CAPN2: variants seen among roughly 807,000 people sequenced by gnomAD.
The protein encoded by CAPN2 is calpain 2.
CAPN2 carries 92 observed loss-of-function variants against 102.3 expected under a neutral mutation model. The ratio of observed to expected loss-of-function variants is 0.90; its 90% CI spans 0.76 to 1.07. The LOEUF is 1.07. Among genes scored for constraint, CAPN2 ranks in the 50% least tolerant of loss-of-function variants. CAPN2 has a pLI of 0.00. For synonymous variants in CAPN2, 340 were observed against 355.4 expected, an observed-to-expected ratio of 0.96 and a Z score of 0.49; for missense variants, 800 against 909.4, an observed-to-expected ratio of 0.88 and a Z score of 1.55.
Position 223,724,762 on chromosome 1 carries a change from G to A in CAPN2, c.307+6931G>A, listed in dbSNP as rs1452123781. Among the ~76,000 whole-genome samples the A allele has an allele frequency of 3.9e-5, 6 of 152,074 alleles. No homozygotes were observed. In the South Asian group the frequency reaches 6.2e-4, roughly 16 times the overall value. On this transcript the variant is annotated intron_variant, in intron 2 of 20. Coordinates refer to ENST00000295006, the MANE Select transcript of CAPN2 (RefSeq NM_001748.5). ...AGGTGGGAGGGTCCCTTCAGCCCAG[G>A]AGTTCAAGACCAGCCAAGCAACATA...
In CAPN2 at chr1:223,725,297, C is replaced by T. The variant is rs961918411; in HGVS notation, c.307+7466C>T. 3.3e-5 allele frequency among the ~76,000 whole-genome samples: 5 copies of T among 151,968 alleles called. No homozygotes were observed. The highest frequency in any genetic ancestry group is 9.7e-5 in the African/African-American group (4 of 41,348). ...ACTCAGGAGGCTGAGGCAGGAGAATCGCTTGAACCTGAGAGGTGGAGGTTG... is the reference window on the plus strand; with the variant it reads ...ACTCAGGAGGCTGAGGCAGGAGAATTGCTTGAACCTGAGAGGTGGAGGTTG... On this transcript the variant is annotated intron_variant, in intron 2 of 20. Coordinates refer to ENST00000295006, the MANE Select transcript of CAPN2 (RefSeq NM_001748.5). This position sits in a 1 kb window ranked among gnomAD's most constrained non-coding sequence, Gnocchi z 4.1.
chr1:223,702,299 C>T (rs1387568085), intron 1 of CAPN2, among the ~76,000 whole-genome samples: 3 of 151,912 alleles, frequency 2.0e-5, no homozygotes, highest in Admixed American at 6.6e-5. Context: ...TAATGGTGCA[C>T]ACCTGTAATC....
chr1:223,742,498 G>A (rs11800509), intron 2 of CAPN2, among the ~76,000 whole-genome samples: 15,509 of 127,166 alleles, frequency 0.12, 2,248 homozygotes, highest in African/African-American at 0.35. Flanking sequence ...ATATATGTGT[G>A]TATATATATA....
At position 223,754,430 on chromosome 1, in the gene CAPN2, A is replaced by G. The variant is rs754055237; in HGVS notation, c.1136-1050A>G. Among the ~76,000 whole-genome samples the G allele has an allele frequency of 6.6e-5, 10 of 152,184 alleles. No individual in the cohort carries two copies. Among genetic ancestry groups the G allele is most frequent in the Non-Finnish European group, 1.5e-4 (10 of 68,032 alleles). Reference sequence around the variant, plus strand: ...GTAAATAATTTTGGCTTTGTGGGCCACTCAGTCTCTATAACAACAACTCTA... The same window carrying G: ...GTAAATAATTTTGGCTTTGTGGGCCGCTCAGTCTCTATAACAACAACTCTA... On this transcript the variant is annotated intron_variant, in intron 9 of 20. Transcript: ENST00000295006. This position sits in a 1 kb window ranked among gnomAD's most constrained non-coding sequence, Gnocchi z 4.7.
chr1:223,719,259 C>T (rs1365172369), intron 2 of CAPN2, among the ~76,000 whole-genome samples: 1 of 152,046 alleles, frequency 6.6e-6, no homozygotes. Context: ...CAGAAACAGC[C>T]GGCGCAGTGG....
chr1:223,754,819 G>A lies in CAPN2; in HGVS notation c.1136-661G>A, dbSNP rs142147681. On this transcript the variant is annotated intron_variant, in intron 9 of 20. Coordinates refer to ENST00000295006, the MANE Select transcript of CAPN2 (RefSeq NM_001748.5). This position sits in a 1 kb window ranked among gnomAD's most constrained non-coding sequence, Gnocchi z 4.7. ...GGCCTCCGGGCTCACCGAGGGGGCG[G>A]CGACCGGCAAGTGCAGGGAGCAGAT... Among the ~76,000 whole-genome samples the A allele has an allele frequency of 3.0e-3, 450 of 152,262 alleles. 2 individuals carry two copies. The highest frequency in any genetic ancestry group is 5.0e-3 in the Admixed American group (76 of 15,292).
Position 223,726,311 on chromosome 1 carries a change from G to A in CAPN2, c.307+8480G>A, listed in dbSNP as rs1660188451. 6.6e-6 allele frequency among the ~76,000 whole-genome samples: 1 copy of A among 152,138 alleles called. No individual in the cohort carries two copies. The highest frequency in any genetic ancestry group is 2.1e-4 in the South Asian group (1 of 4,826). Reference sequence around the variant, plus strand: ...AGCAGGGATGGGGAGGAAGAGGGTGGGTTTGCCTGCGCCTGGGGGGAGGGC... The same window carrying A: ...AGCAGGGATGGGGAGGAAGAGGGTGAGTTTGCCTGCGCCTGGGGGGAGGGC... On this transcript the variant is annotated intron_variant, in intron 2 of 20. Coordinates refer to ENST00000295006, the MANE Select transcript of CAPN2 (RefSeq NM_001748.5). This position sits in a 1 kb window ranked among gnomAD's most constrained non-coding sequence, Gnocchi z 4.4.
chr1:223,762,031 C>T (rs1471321978), intron 13 of CAPN2, among the ~76,000 whole-genome samples, 155 bp from the exon 14 acceptor site: 1 of 152,110 alleles, frequency 6.6e-6, no homozygotes, highest in South Asian at 2.1e-4. Flanking sequence ...TAATTCTTCA[C>T]ACTATACCTG....
At chr1:223,718,567 A>T (rs1169498924) in intron 2 of CAPN2, among the ~76,000 whole-genome samples, 1 of 152,222 alleles carries the variant, frequency 6.6e-6, no homozygotes, top group Non-Finnish European at 1.5e-5. Context: ...TAAGATTCTC[A>T]TAGAATCTGC....
intron 6 of CAPN2, chr1:223,749,508 A>G (rs1245886997): frequency 2.7e-5 from 6 of 218,234 alleles, no homozygotes; most frequent in Non-Finnish European, 4.5e-5. Flanking sequence ...CCCATGTTCA[A>G]ATCTGACTGC....
chr1:223,752,379 A>G (rs1329551060), intron 8 of CAPN2, among the ~76,000 whole-genome samples: 1 of 152,194 alleles, frequency 6.6e-6, no homozygotes, highest in African/African-American at 2.4e-5. Flanking sequence ...TTTCTCCCCC[A>G]GGTTCCGGAG....
At chr1:223,742,518 A>ATATATAT (rs1353185585) in intron 2 of CAPN2, among the ~76,000 whole-genome samples, 1 of 114,424 alleles carries the variant, frequency 8.7e-6, no homozygotes, top group Admixed American at 9.9e-5. Context: ...ATATATATAT[A>ATATATAT]TTTTTTTTTT....
chr1:223,747,716 G>A (rs148417937), intron 5 of CAPN2, among the ~76,000 whole-genome samples: 334 of 152,306 alleles, frequency 2.2e-3, no homozygotes, highest in Non-Finnish European at 3.2e-3. Context: ...CAGACTTTAG[G>A]CAGGTGAGGG....
At position 223,731,957 on chromosome 1, in the gene CAPN2, A is replaced by C. The variant is rs1006112496; in HGVS notation, c.308-12143A>C. Among the ~76,000 whole-genome samples, 1 of 152,216 alleles carries C rather than the reference A, an allele frequency of 6.6e-6. No individual in the cohort carries two copies. The highest frequency in any genetic ancestry group is 6.5e-5 in the Admixed American group (1 of 15,288). On this transcript the variant is annotated intron_variant, in intron 2 of 20. Coordinates refer to ENST00000295006, the MANE Select transcript of CAPN2 (RefSeq NM_001748.5). The surrounding 1 kb of genome is among the most constrained non-coding windows in gnomAD (Gnocchi z 4.2). ...TATCAGTTGCAAAGAAAGAACACTCAGTTGGAAAAAAAGGCAAGAGGGTTT... is the reference window on the plus strand; with the variant it reads ...TATCAGTTGCAAAGAAAGAACACTCCGTTGGAAAAAAAGGCAAGAGGGTTT...
intron 20 of CAPN2, chr1:223,772,571 T>C (rs1380329565): frequency 1.1e-5 from 3 of 271,106 alleles, no homozygotes; most frequent in Admixed American, 4.9e-5. Context: ...AACATGTTTA[T>C]ATAAAGAAAT....
At chr1:223,729,484 A>C (rs978007062) in intron 2 of CAPN2, among the ~76,000 whole-genome samples, 1 of 152,190 alleles carries the variant, frequency 6.6e-6, no homozygotes, top group African/African-American at 2.4e-5. Flanking sequence ...CCTGTGACAA[A>C]GCCCAAGGAG....
intron 14 of CAPN2, 121 bp from the exon 15 acceptor site, chr1:223,764,029 T>G (rs1228470817): frequency 2.6e-6 from 2 of 759,406 alleles, no homozygotes; most frequent in Non-Finnish European, 2.4e-6. Flanking sequence ...GCTCGGGGGC[T>G]TGTTAGAAAT....
chr1:223,774,092 C>T (rs1038661477), intron 20 of CAPN2, among the ~76,000 whole-genome samples: 3 of 151,988 alleles, frequency 2.0e-5, no homozygotes, highest in Admixed American at 2.0e-4. Flanking sequence ...AAACATGCCA[C>T]ATGTTAAGTT....
intron 2 of CAPN2, among the ~76,000 whole-genome samples, chr1:223,743,481 T>C (rs1176721180): frequency 6.6e-6 from 1 of 152,146 alleles, no homozygotes; most frequent in Non-Finnish European, 1.5e-5. Flanking sequence ...CAAACTCCCC[T>C]TTATATATTT....
Sources: allele counts gnomAD v4.1 joint callset (sites outside exome capture counted in the v4.1 genomes callset), GRCh38; gene constraint gnomAD v4.1.1; non-coding constraint Gnocchi (gnomAD v3.1); transcripts MANE v1.5; gene names NCBI Gene and HGNC (gene_info 2026-07-23, HGNC 2026-07-21).